Variants in CCDC149 observed in about 807,000 individuals in gnomAD.
The protein encoded by CCDC149 is coiled-coil domain containing 149.
A neutral mutation model predicts 59.9 loss-of-function variants in CCDC149; 45 were observed. That is an observed-to-expected ratio of 0.75 (90% CI 0.59 to 0.96). CCDC149 has a LOEUF of 0.96. CCDC149 is among the 40% of genes least tolerant of loss of function. The probability of loss-of-function intolerance (pLI) is 0.00; values close to 1 mark genes in which losing one functional copy is unlikely to be tolerated. For missense variants in CCDC149, 584 were observed against 664.7 expected, an observed-to-expected ratio of 0.88 and a Z score of 1.33; for synonymous variants, 245 against 260.6, an observed-to-expected ratio of 0.94 and a Z score of 0.58.
At chr4:24,898,291 G>T (rs192523800) in intron 1 of CCDC149, among the ~76,000 whole-genome samples, 2 of 152,280 alleles carry the variant, frequency 1.3e-5, no homozygotes, top group Non-Finnish European at 2.9e-5. Flanking sequence ...AGAGACACAG[G>T]TAGGTACTGT....
At chr4:24,899,311 C>G (rs189779501) in intron 1 of CCDC149, among the ~76,000 whole-genome samples, 3 of 151,932 alleles carry the variant, frequency 2.0e-5, no homozygotes. Context: ...ACCATTGAGG[C>G]GGGATGGAAG....
At chr4:24,884,620 G>A (rs777156261) in intron 1 of CCDC149, among the ~76,000 whole-genome samples, 2 of 152,288 alleles carry the variant, frequency 1.3e-5, no homozygotes, top group African/African-American at 4.8e-5. Flanking sequence ...TTGGGAACAC[G>A]GCAGGAGGAG....
chr4:24,956,038 A>T (rs1723455317), intron 1 of CCDC149, among the ~76,000 whole-genome samples: 1 of 152,208 alleles, frequency 6.6e-6, no homozygotes, highest in Admixed American at 6.5e-5. Flanking sequence ...TAACGCATAT[A>T]TTAGACTCTA....
At chr4:24,831,036 T>A (rs1267974659) in intron 9 of CCDC149, 1 of 154,272 alleles carries the variant, frequency 6.5e-6, no homozygotes, top group Non-Finnish European at 1.4e-5. Context: ...CTTTTCACCA[T>A]CTTTTTTGTG....
intron 3 of CCDC149, among the ~76,000 whole-genome samples, chr4:24,859,444 C>T (rs919688339): frequency 1.3e-5 from 2 of 152,066 alleles, no homozygotes; most frequent in African/African-American, 2.4e-5. Context: ...AAGGGACATA[C>T]CTTAAGGTAA....
At chr4:24,844,632 G>A (rs1482676887) in intron 4 of CCDC149, among the ~76,000 whole-genome samples, 1 of 152,114 alleles carries the variant, frequency 6.6e-6, no homozygotes, top group Non-Finnish European at 1.5e-5. Flanking sequence ...AACTAACTGG[G>A]CATGGTGGTG....
chr4:24,826,867 C>T (rs1392342708), intron 9 of CCDC149: 1 of 152,196 alleles, frequency 6.6e-6, no homozygotes, highest in East Asian at 1.9e-4. Flanking sequence ...CTTCAAGTAG[C>T]TTAGCAGGGA....
chr4:24,810,456 C>T (rs983472576), intron 12 of CCDC149, among the ~76,000 whole-genome samples: 2 of 152,164 alleles, frequency 1.3e-5, no homozygotes, highest in Non-Finnish European at 2.9e-5. Flanking sequence ...AAGTCCAGGA[C>T]TCCTGGACCC....
At chr4:24,816,858 C>A (rs77022791) in intron 12 of CCDC149, among the ~76,000 whole-genome samples, 1 of 152,092 alleles carries the variant, frequency 6.6e-6, no homozygotes, top group South Asian at 2.1e-4. Flanking sequence ...ACGTGTCCCC[C>A]GCTCCCCACT....
intron 1 of CCDC149, among the ~76,000 whole-genome samples, chr4:24,883,875 A>G (rs1298593317): frequency 6.6e-6 from 1 of 152,144 alleles, no homozygotes; most frequent in Non-Finnish European, 1.5e-5. Flanking sequence ...TTTCCTAGAG[A>G]CACGTAACTA....
At chr4:24,923,004 C>T (rs1222932396) in intron 1 of CCDC149, among the ~76,000 whole-genome samples, 1 of 152,108 alleles carries the variant, frequency 6.6e-6, no homozygotes, top group Non-Finnish European at 1.5e-5. Context: ...CTAAACTCAG[C>T]ATCCTATATA....
intron 1 of CCDC149, among the ~76,000 whole-genome samples, chr4:24,904,158 G>A (rs1191648678): frequency 2.6e-5 from 4 of 152,192 alleles, no homozygotes; most frequent in African/African-American, 7.2e-5. Context: ...GGTTACACCA[G>A]TGTATGCACA....
intron 1 of CCDC149, among the ~76,000 whole-genome samples, chr4:24,946,303 G>A (rs55633535): frequency 6.6e-6 from 1 of 152,146 alleles, no homozygotes. Context: ...TGAGTCCCCA[G>A]TATCCTTCCA....
chr4:24,904,940 C>T (rs1040860511), intron 1 of CCDC149, among the ~76,000 whole-genome samples: 1 of 152,214 alleles, frequency 6.6e-6, no homozygotes, highest in East Asian at 1.9e-4. Context: ...CGCACTCTGT[C>T]GCCCAGGCTG....
At chr4:24,871,944 C>T (rs1201698958) in intron 3 of CCDC149, among the ~76,000 whole-genome samples, 1 of 151,934 alleles carries the variant, frequency 6.6e-6, no homozygotes, top group Admixed American at 6.6e-5. Context: ...TAACAAAACC[C>T]CTATCAAAAT....
At chr4:24,913,424 T>C (rs1352709864), upstream of CCDC149, among the ~76,000 whole-genome samples, 2 of 152,234 alleles carry the variant, frequency 1.3e-5, no homozygotes, top group Admixed American at 1.3e-4. Flanking sequence ...CTACATATAT[T>C]TATTGGACGA....
chr4:24,960,100 A>G (rs1286283919), intron 1 of CCDC149, among the ~76,000 whole-genome samples: 1 of 152,224 alleles, frequency 6.6e-6, no homozygotes, highest in Non-Finnish European at 1.5e-5. Context: ...AAAGTAAGAT[A>G]TATACAATAG....
chr4:24,826,606 C>A (rs559775256), intron 9 of CCDC149, among the ~76,000 whole-genome samples: 1 of 152,144 alleles, frequency 6.6e-6, no homozygotes, highest in Non-Finnish European at 1.5e-5. Context: ...GTGGAAGAGG[C>A]AGAGGAGAGC....
chr4:24,923,304 C>T (rs769375284), intron 1 of CCDC149, among the ~76,000 whole-genome samples: 1 of 152,200 alleles, frequency 6.6e-6, no homozygotes, highest in Admixed American at 6.5e-5. Context: ...CAAATACTTT[C>T]TGAGTTCCTA....
Sources: allele counts gnomAD v4.1 joint callset (sites outside exome capture counted in the v4.1 genomes callset), GRCh38; gene constraint gnomAD v4.1.1; transcripts MANE v1.5; gene names NCBI Gene and HGNC (gene_info 2026-07-23, HGNC 2026-07-21).